The following MTOR variants were observed in gnomAD, a reference collection of about 807,000 sequenced individuals.
The protein encoded by MTOR is serine/threonine-protein kinase mTOR.
In MTOR, 70 loss-of-function variants were observed where a neutral mutation model predicts 319.8. The observed-to-expected ratio is 0.22, with a 90% CI of 0.18 to 0.27. MTOR has a LOEUF of 0.27. MTOR is among the 10% of genes least tolerant of loss of function. The pLI is 1.00. For missense variants in MTOR, 1,890 were observed against 3,274.4 expected (o/e 0.58, Z 10.32); for synonymous variants, 1,183 against 1,211.4 (o/e 0.98, Z 0.49).
intron 5 of MTOR, among the ~76,000 whole-genome samples, chr1:11,254,787 CAG>C (rs1206376474): frequency 6.8e-6 from 1 of 147,588 alleles, no homozygotes; most frequent in East Asian, 2.0e-4. Context: ...TTTTTTGAGA[CAG>C]AGTCTCACTC....
chr1:11,159,512 A>T (rs1258575918), intron 29 of MTOR, among the ~76,000 whole-genome samples: 1 of 152,080 alleles, frequency 6.6e-6, no homozygotes, highest in South Asian at 2.1e-4. Context: ...GTGGTGGTGC[A>T]TGCCTGTAAT....
In MTOR at chr1:11,212,246, T is replaced by C. The variant is rs1646336596; in HGVS notation, c.3561+66A>G. 6.5e-7 allele frequency: 1 copy of C among 1,531,468 alleles called. No homozygotes were observed. Among genetic ancestry groups the C allele is most frequent in the Admixed American group, 2.1e-5 (1 of 48,346 alleles). The allele number at this position is 1,531,468 out of a possible 1,614,324, so 94.9% of individuals were successfully genotyped here. A position where few individuals can be genotyped will look rare whatever the true frequency, so the allele number is the denominator to read the frequency against. On this transcript the variant is annotated intron_variant, in intron 23 of 57. Transcript: ENST00000361445. The surrounding 1 kb of genome is among the most constrained non-coding windows in gnomAD (Gnocchi z 4.1). ...TGGCATCAGACAAAGTCTGAGTGGCTCACAGACAAAGTCTTCTTTCCAAAT... is the reference window on the plus strand; with the variant it reads ...TGGCATCAGACAAAGTCTGAGTGGCCCACAGACAAAGTCTTCTTTCCAAAT...
intron 28 of MTOR, chr1:11,189,936 G>T: frequency 6.2e-7 from 1 of 1,611,838 alleles, no homozygotes; most frequent in Non-Finnish European, 8.5e-7. Context: ...CAGCACAGAC[G>T]GTCACTCAGA....
At chr1:11,145,778 A>G (rs1258701706) in intron 32 of MTOR, among the ~76,000 whole-genome samples, 2 of 152,154 alleles carry the variant, frequency 1.3e-5, no homozygotes, top group Admixed American at 1.3e-4. Flanking sequence ...TGCTGCGATT[A>G]CAGGTGTGAG....
At position 11,211,042 on chromosome 1, in the gene MTOR, CCTT is replaced by C. The variant is rs919694532; in HGVS notation, c.3562-139_3562-137del. On this transcript the variant is annotated intron_variant, in intron 23 of 57. Transcript: ENST00000361445. Reference sequence around the variant, plus strand: ...CTAGCTCTGTGATATTCAAAAGAATCCTTCTTCCCATCTCCCGTTATAATCCTA... The same window carrying C: ...CTAGCTCTGTGATATTCAAAAGAATCCTTCCCATCTCCCGTTATAATCCTA... 1.2e-5 allele frequency: 7 copies of C among 605,268 alleles called. 1 individual carries two copies. Among genetic ancestry groups the C allele is most frequent in the South Asian group, 8.2e-5 (4 of 48,828 alleles). The allele number at this position is 605,268 out of a possible 1,614,324, so 37.5% of individuals were successfully genotyped here.
intron 28 of MTOR, among the ~76,000 whole-genome samples, chr1:11,196,258 C>A (rs1310754824): frequency 6.6e-6 from 1 of 152,162 alleles, no homozygotes; most frequent in African/African-American, 2.4e-5. Context: ...AAAAACAGGC[C>A]AGCAGACCTT....
rs1448201596 is a variant in MTOR at position 11,139,452 on chromosome 1, A to G, written c.4999-17T>C. The G allele has an allele frequency of 6.2e-7, 1 of 1,613,934 alleles. No homozygotes were observed. Among genetic ancestry groups the G allele is most frequent in the South Asian group, 1.1e-5 (1 of 91,056 alleles). On this transcript the variant is annotated splice_polypyrimidine_tract_variant and intron_variant, in intron 35 of 57. Transcript: ENST00000361445. ...AGCAAGAGCCTTAAAAATAAGAGAA[A>G]CTGGGTTATAGACAGAACTGGACAG...
chr1:11,249,051 C>T (rs989804061), intron 6 of MTOR, among the ~76,000 whole-genome samples: 2 of 152,080 alleles, frequency 1.3e-5, no homozygotes, highest in Non-Finnish European at 2.9e-5. Flanking sequence ...TGGTGAAAAC[C>T]CGTTTCTACT....
chr1:11,260,768 A>AC (rs1651008134), intron 1 of MTOR, among the ~76,000 whole-genome samples: 1 of 151,744 alleles, frequency 6.6e-6, no homozygotes, highest in Non-Finnish European at 1.5e-5. Flanking sequence ...TACACTTACA[A>AC]CAATGTCAAT....
chr1:11,231,094 A>T, intron 17 of MTOR, 40 bp from the exon 18 acceptor site: 2 of 1,613,978 alleles, frequency 1.2e-6, no homozygotes, highest in Non-Finnish European at 1.7e-6. Flanking sequence ...AACATTCATC[A>T]CAACATGATT....
intron 13 of MTOR, among the ~76,000 whole-genome samples, chr1:11,237,553 A>AGGGCCAAGAAATG (rs946419659): frequency 1.3e-5 from 2 of 152,010 alleles, no homozygotes; most frequent in African/African-American, 4.8e-5. Context: ...GCAAGCAAAG[A>AGGGCCAAGAAATG]GGGCCAAGAA....
rs753418420 is a variant in MTOR, at chr1:11,258,528, G to A, written c.228C>T (p.Ser76=). Residue 76 remains serine (S), a synonymous_variant, in exon 3 of 58, where the codon TCC becomes TCT. Transcript: ENST00000361445. ...QLNHHIFELV[S]SSDANERKGG... Reference sequence around the variant, plus strand: ...CTTTCCTCTCATTGGCATCTGAGCTGGAAACCAATTCAAAAATGTGATGGT... The same window carrying A: ...CTTTCCTCTCATTGGCATCTGAGCTAGAAACCAATTCAAAAATGTGATGGT... The A allele has an allele frequency of 2.5e-6, 4 of 1,614,106 alleles. No individual in the cohort carries two copies. The highest frequency in any genetic ancestry group is 3.4e-6 in the Non-Finnish European group (4 of 1,180,022).
intron 8 of MTOR, among the ~76,000 whole-genome samples, chr1:11,245,884 T>C (rs1648743418): frequency 6.6e-6 from 1 of 152,174 alleles, no homozygotes. Context: ...CACTTCAGCC[T>C]GGGTGACACA....
Position 11,199,711 on chromosome 1 carries a change from C to T in MTOR, c.3945-8G>A. 1.6e-5 allele frequency: 26 copies of T among 1,612,870 alleles called. No homozygotes were observed. The highest frequency in any genetic ancestry group is 2.1e-5 in the Non-Finnish European group (25 of 1,179,018). ...GCAGCATTGAAGAGATCCCTGAAGG[C>T]AGAGAAGGTGGAAAATGGAGAGACC... is the stretch of plus-strand genomic sequence containing the variant. On this transcript the variant is annotated splice_polypyrimidine_tract_variant and splice_region_variant and intron_variant, in intron 26 of 57. Coordinates refer to ENST00000361445, the MANE Select transcript of MTOR (RefSeq NM_004958.4). The surrounding 1 kb of genome is among the most constrained non-coding windows in gnomAD (Gnocchi z 4.5).
At chr1:11,144,930 C>T (rs1643883604) in intron 33 of MTOR, 38 bp downstream of exon 33, 1 of 1,604,964 alleles carries the variant, frequency 6.2e-7, no homozygotes, top group East Asian at 2.2e-5. Flanking sequence ...TGGAAATAAG[C>T]CTCAAAAATG....
intron 50 of MTOR, among the ~76,000 whole-genome samples, 171 bp downstream of exon 50, chr1:11,116,833 G>A (rs1261822325): frequency 2.0e-5 from 3 of 152,050 alleles, no homozygotes; most frequent in Non-Finnish European, 4.4e-5. Flanking sequence ...TCTTCTGATG[G>A]CATCACAATC....
At chr1:11,168,140 C>G (rs1644705823) in intron 28 of MTOR, among the ~76,000 whole-genome samples, 1 of 151,046 alleles carries the variant, frequency 6.6e-6, no homozygotes, top group Non-Finnish European at 1.5e-5. Context: ...GTGTCTGTTT[C>G]TGAAACACCA....
At position 11,127,501 on chromosome 1, in the gene MTOR, A is replaced by T. The variant is rs1262934649; in HGVS notation, c.6216+123T>A. The stretch of plus-strand genomic sequence containing the variant: ...AAGTCAGTGGAAAGGCCAGAGGAAA[A>T]GAAATCTGACAAAGGCCTTGGGTCA... On this transcript the variant is annotated intron_variant, in intron 44 of 57. Transcript: ENST00000361445. The surrounding 1 kb of genome is among the most constrained non-coding windows in gnomAD (Gnocchi z 5.5). The T allele has an allele frequency of 8.4e-7, 1 of 1,196,856 alleles. No individual in the cohort carries two copies. Among genetic ancestry groups the T allele is most frequent in the Admixed American group, 2.9e-5 (1 of 34,928 alleles). 74.1% of individuals were successfully genotyped at this position (1,196,856 alleles called of 1,614,324 possible). A position where few individuals can be genotyped will look rare whatever the true frequency, so the allele number is the denominator to read the frequency against.
Position 11,231,474 on chromosome 1 carries a change from A to T in MTOR, c.2515-40T>A, listed in dbSNP as rs1304941117. ...GAACACGATTCAATGAGCCAGTACG[A>T]GAGAAAAGAAAGCATAGTTGAACTC... On this transcript the variant is annotated intron_variant, in intron 16 of 57. Coordinates refer to ENST00000361445, the MANE Select transcript of MTOR (RefSeq NM_004958.4). 5 of 1,608,508 alleles carry T rather than the reference A, an allele frequency of 3.1e-6. No homozygotes were observed. The Middle Eastern group carries it at 5.0e-4, about 160-fold the overall frequency.
Sources: allele counts gnomAD v4.1 joint callset (sites outside exome capture counted in the v4.1 genomes callset), GRCh38; gene constraint gnomAD v4.1.1; non-coding constraint Gnocchi (gnomAD v3.1); transcripts MANE v1.5; gene names NCBI Gene and HGNC (gene_info 2026-07-23, HGNC 2026-07-21).